GRM7: variants seen among roughly 807,000 people sequenced by gnomAD.
GRM7 encodes the protein glutamate metabotropic receptor 7, also known as metabotropic glutamate receptor 7.
In GRM7, 35 loss-of-function variants were observed where a neutral mutation model predicts 84.5. The ratio of observed to expected loss-of-function variants is 0.41; its 90% confidence interval spans 0.32 to 0.55. The LOEUF is 0.55. Among genes scored for constraint, GRM7 ranks in the 20% least tolerant of loss-of-function variants. GRM7 has a pLI of 0.19. For synonymous variants in GRM7, 487 were observed against 455.1 expected, an observed-to-expected ratio of 1.07 and a Z score of -0.89; for missense variants, 1,003 against 1,194.6, an observed-to-expected ratio of 0.84 and a Z score of 2.36.
chr3:7,175,283 A>G (rs750618419), intron 2 of GRM7, among the ~76,000 whole-genome samples: 7 of 152,236 alleles, frequency 4.6e-5, no homozygotes, highest in Non-Finnish European at 7.3e-5. Context: ...GTCTCCATCC[A>G]TCAACTGAGC....
At chr3:7,608,059 G>C (rs1276898274) in intron 8 of GRM7, 2 of 356,796 alleles carry the variant, frequency 5.6e-6, no homozygotes, top group Admixed American at 5.8e-5. Context: ...CAAAAGACAT[G>C]ACTCATGCTT....
At chr3:7,067,878 T>C (rs949833366) in intron 1 of GRM7, among the ~76,000 whole-genome samples, 24 of 151,964 alleles carry the variant, frequency 1.6e-4, no homozygotes, top group African/African-American at 5.6e-4. Context: ...TCCTCTCTGT[T>C]AACCTGAAAT....
chr3:6,927,475 AAG>A (rs751648359), intron 1 of GRM7, among the ~76,000 whole-genome samples: 1 of 61,086 alleles, frequency 1.6e-5, no homozygotes, highest in African/African-American at 5.3e-5. Context: ...GAAAGAAAGA[AAG>A]AAAGAAAGAA....
rs1321836279 is a variant in GRM7, at chr3:6,983,573, T to A, written c.519+121666T>A. Among the ~76,000 whole-genome samples the A allele has an allele frequency of 2.0e-5, 3 of 152,172 alleles. No homozygotes were observed. The East Asian group carries it at 5.8e-4, about 29-fold the overall frequency. The stretch of plus-strand genomic sequence containing the variant: ...TACTGTTCCTAATAATTTTCTTACA[T>A]AAAATGAACTCAAGGTTAATTAAGA... On this transcript the variant is annotated intron_variant, in intron 1 of 9. Transcript: ENST00000357716.
At chr3:7,255,639 T>C (rs1345475585) in intron 2 of GRM7, among the ~76,000 whole-genome samples, 2 of 152,212 alleles carry the variant, frequency 1.3e-5, no homozygotes, top group Non-Finnish European at 2.9e-5. Flanking sequence ...GTGTAAACCA[T>C]GTTCCTATTT....
At chr3:7,033,784 C>T (rs1026151979) in intron 1 of GRM7, among the ~76,000 whole-genome samples, 1 of 152,134 alleles carries the variant, frequency 6.6e-6, no homozygotes, top group Non-Finnish European at 1.5e-5. Flanking sequence ...GGGAAACTCC[C>T]CAATCCCAGG....
chr3:6,984,262 A>G (rs141524870), intron 1 of GRM7, among the ~76,000 whole-genome samples: 2 of 152,292 alleles, frequency 1.3e-5, no homozygotes, highest in East Asian at 1.9e-4. Context: ...AATGTTGTAT[A>G]TTATTATTAT....
chr3:7,419,052 A>G (rs186402773), intron 5 of GRM7, among the ~76,000 whole-genome samples: 1 of 152,272 alleles, frequency 6.6e-6, no homozygotes, highest in East Asian at 1.9e-4. Flanking sequence ...TTCTGGGCTG[A>G]ATTCAGTGGC....
chr3:7,230,667 AAG>A (rs1697164367), intron 2 of GRM7, among the ~76,000 whole-genome samples: 2 of 152,192 alleles, frequency 1.3e-5, no homozygotes, highest in Admixed American at 1.3e-4. Context: ...GCAGCTTTCA[AAG>A]AGACTTTGTT....
At chr3:6,894,830 G>A (rs1404247873) in intron 1 of GRM7, among the ~76,000 whole-genome samples, 1 of 152,156 alleles carries the variant, frequency 6.6e-6, no homozygotes, top group Non-Finnish European at 1.5e-5. Flanking sequence ...TGCAGTTGTA[G>A]AGATGCCCTG....
chr3:7,437,236 A>G (rs1697095593), intron 5 of GRM7, among the ~76,000 whole-genome samples: 2 of 152,156 alleles, frequency 1.3e-5, no homozygotes, highest in South Asian at 2.1e-4. Context: ...GTGCTGTTGT[A>G]TGAGTTAAGT....
At chr3:7,338,936 GAAA>G (rs59730500) in intron 4 of GRM7, among the ~76,000 whole-genome samples, 1,390 of 133,638 alleles carry the variant, frequency 0.01, 12 homozygotes, top group Admixed American at 0.03. Flanking sequence ...CCAGGCTGGG[GAAA>G]AAAAAAAAAA....
chr3:7,147,841 C>T (rs890118798), intron 2 of GRM7, among the ~76,000 whole-genome samples: 2 of 152,194 alleles, frequency 1.3e-5, no homozygotes, highest in Non-Finnish European at 2.9e-5. Flanking sequence ...AAGTCTCGCT[C>T]TAACCACTAT....
At chr3:7,317,024 G>A (rs13082785) in intron 4 of GRM7, among the ~76,000 whole-genome samples, 51,896 of 151,954 alleles carry the variant, frequency 0.34, 9,556 homozygotes, top group East Asian at 0.45. Context: ...TGGAAACCAG[G>A]TAACGTAACT....
chr3:7,452,015 A>G lies in GRM7; in HGVS notation c.1175-592A>G, dbSNP rs1306505978. 5.3e-5 allele frequency among the ~76,000 whole-genome samples: 8 copies of G among 152,158 alleles called. No homozygotes were observed. The East Asian group carries it at 1.5e-3, about 29-fold the overall frequency. ...AAATGGTGGGAGGCATAAAGAGGCC[A>G]TTGGTGGAGTGTTTGACACTGTTCA... On this transcript the variant is annotated intron_variant, in intron 5 of 9. Transcript: ENST00000357716.
At chr3:7,371,414 C>T (rs927714386) in intron 4 of GRM7, among the ~76,000 whole-genome samples, 1 of 151,910 alleles carries the variant, frequency 6.6e-6, no homozygotes, top group Non-Finnish European at 1.5e-5. Flanking sequence ...TAATTTATAA[C>T]CAAAATAGAT....
chr3:7,022,661 A>T (rs1695822887), intron 1 of GRM7, among the ~76,000 whole-genome samples: 1 of 152,168 alleles, frequency 6.6e-6, no homozygotes, highest in South Asian at 2.1e-4. Flanking sequence ...TGCAATTGTA[A>T]AATGTAATTT....
chr3:7,637,803 G>A (rs1198400846), intron 8 of GRM7, among the ~76,000 whole-genome samples: 3 of 152,190 alleles, frequency 2.0e-5, no homozygotes, highest in Admixed American at 2.0e-4. Flanking sequence ...GCACTGAAAT[G>A]CAAAGACACA....
intron 3 of GRM7, among the ~76,000 whole-genome samples, chr3:7,300,734 T>G (rs1198643356): frequency 6.6e-6 from 1 of 151,954 alleles, no homozygotes; most frequent in Non-Finnish European, 1.5e-5. Context: ...CAGGGAAGAT[T>G]TCTCTGATCA....
Sources: gnomAD v4.1 joint callset for allele counts (sites outside exome capture counted in the v4.1 genomes callset) on GRCh38, gnomAD v4.1.1 for gene constraint, MANE v1.5 for transcripts, NCBI Gene and HGNC (gene_info 2026-07-23, HGNC 2026-07-21) for gene names.